The following LOC122539214 variants were observed in gnomAD, a reference collection of about 807,000 sequenced individuals.
the LOC122539214 span, among the ~76,000 whole-genome samples, chr19:52,668,153 A>G: frequency 7.2e-5 from 11 of 152,298 alleles, no homozygotes; most frequent in Admixed American, 4.6e-4. Flanking sequence ...TTTCCAGTAC[A>G]TCAGCATCGG....
chr19:52,688,437 G>A, the LOC122539214 span, among the ~76,000 whole-genome samples: 1 of 151,480 alleles, frequency 6.6e-6, no homozygotes, highest in South Asian at 2.1e-4. Flanking sequence ...GTCTTCTAAA[G>A]TTCTGGGATT....
At chr19:52,665,184 C>G in the LOC122539214 span, among the ~76,000 whole-genome samples, 1 of 152,068 alleles carries the variant, frequency 6.6e-6, no homozygotes, top group Non-Finnish European at 1.5e-5. Flanking sequence ...CAGAGACTTT[C>G]CTAGAGCCAC....
the LOC122539214 span, chr19:52,652,402 C>G: frequency 2.8e-6 from 1 of 352,998 alleles, no homozygotes; most frequent in Non-Finnish European, 5.5e-6. Flanking sequence ...GCCACTGCAC[C>G]CCAGCCTGGA....
At chr19:52,652,909 C>T in the LOC122539214 span, 3 of 1,087,234 alleles carry the variant, frequency 2.8e-6, no homozygotes. Context: ...TTTCTCTCCA[C>T]TATGAAGTCT....
the LOC122539214 span, among the ~76,000 whole-genome samples, chr19:52,657,865 G>C: frequency 2.7e-5 from 4 of 148,626 alleles, no homozygotes; most frequent in Non-Finnish European, 6.0e-5. Flanking sequence ...AAACAGGCAT[G>C]GTGGCTCATG....
At chr19:52,655,103 C>T in the LOC122539214 span, 1 of 154,276 alleles carries the variant, frequency 6.5e-6, no homozygotes, top group African/African-American at 2.4e-5. Flanking sequence ...ATGAGAATTG[C>T]TTGAATGCAG....
the LOC122539214 span, among the ~76,000 whole-genome samples, chr19:52,684,535 G>C: frequency 6.2e-5 from 8 of 128,784 alleles, no homozygotes; most frequent in African/African-American, 2.6e-4. Context: ...GGACAATAGA[G>C]TGAGACTCTG....
chr19:52,650,769 G>A, the LOC122539214 span: 1 of 152,202 alleles, frequency 6.6e-6, no homozygotes, highest in Non-Finnish European at 1.5e-5. Context: ...GGACAAACTT[G>A]TTAGGAAGTG....
the LOC122539214 span, among the ~76,000 whole-genome samples, chr19:52,685,219 T>G: frequency 3.9e-5 from 6 of 152,128 alleles, no homozygotes; most frequent in Non-Finnish European, 7.4e-5. Context: ...GCTTTTCTGG[T>G]CTAGCCCCTC....
At chr19:52,682,931 C>T in the LOC122539214 span, among the ~76,000 whole-genome samples, 1 of 152,050 alleles carries the variant, frequency 6.6e-6, no homozygotes, top group African/African-American at 2.4e-5. Flanking sequence ...AGTACAGTGG[C>T]ACCATCTCGG....
chr19:52,685,305 A>G, the LOC122539214 span, among the ~76,000 whole-genome samples: 1 of 152,108 alleles, frequency 6.6e-6, no homozygotes, highest in African/African-American at 2.4e-5. Flanking sequence ...AAGATCTGAG[A>G]TGAGTGAGAA....
the LOC122539214 span, chr19:52,655,412 TGACA>T: frequency 7.7e-6 from 6 of 776,790 alleles, no homozygotes; most frequent in Non-Finnish European, 1.3e-5. Flanking sequence ...AAGCTGTCTA[TGACA>T]GACAGGAGGA....
chr19:52,670,551 A>G, the LOC122539214 span, among the ~76,000 whole-genome samples: 1 of 152,224 alleles, frequency 6.6e-6, no homozygotes, highest in East Asian at 1.9e-4. Context: ...CTTTATTTAC[A>G]ACACACTTAA....
At chr19:52,677,555 G>A in the LOC122539214 span, among the ~76,000 whole-genome samples, 20 of 151,846 alleles carry the variant, frequency 1.3e-4, no homozygotes, top group Middle Eastern at 6.8e-3. Context: ...GCAGTTTTAC[G>A]TCTCTTAAAT....
At chr19:52,666,107 T>G in the LOC122539214 span, among the ~76,000 whole-genome samples, 2 of 141,994 alleles carry the variant, frequency 1.4e-5, no homozygotes, top group Non-Finnish European at 3.0e-5. Flanking sequence ...GAGCTTGCAG[T>G]GAGCCAAGAT....
chr19:52,654,407 A>T, the LOC122539214 span: 30 of 1,107,164 alleles, frequency 2.7e-5, no homozygotes, highest in Non-Finnish European at 3.7e-5. Flanking sequence ...GAGCTATCTA[A>T]AAAATATAAA....
the LOC122539214 span, among the ~76,000 whole-genome samples, chr19:52,687,633 G>GTA: frequency 0.095 from 2,638 of 27,790 alleles, 453 homozygotes; most frequent in Admixed American, 0.29. Context: ...TATATATAAT[G>GTA]TATATATATA....
chr19:52,680,526 G>A, the LOC122539214 span, among the ~76,000 whole-genome samples: 2 of 151,114 alleles, frequency 1.3e-5, no homozygotes, highest in African/African-American at 4.9e-5. Flanking sequence ...ATCAAAGACT[G>A]TGTTCTGACA....
chr19:52,661,383 C>A, the LOC122539214 span, among the ~76,000 whole-genome samples: 6 of 152,114 alleles, frequency 3.9e-5, no homozygotes, highest in African/African-American at 7.2e-5. Flanking sequence ...AGGGCACAGA[C>A]CTTCAGGACA....
Sources: gnomAD v4.1 joint callset for allele counts (sites outside exome capture counted in the v4.1 genomes callset) on GRCh38, gnomAD v4.1.1 for gene constraint, MANE v1.5 for transcripts.